The following CDON variants were observed in gnomAD, a reference collection of about 807,000 sequenced individuals.
The protein encoded by CDON is cell adhesion molecule-related/down-regulated by oncogenes.
In CDON, 73 loss-of-function variants were observed where a neutral mutation model predicts 120.9. The observed-to-expected ratio is 0.60, with a 90% confidence interval of 0.50 to 0.73. The LOEUF (loss-of-function observed/expected upper bound fraction) is 0.73, where lower values mean the gene tolerates loss of function less well. Among genes scored for constraint, CDON ranks in the 30% least tolerant of loss-of-function variants. The pLI, the probability that CDON is intolerant of heterozygous loss-of-function variation, is 0.00. For synonymous variants in CDON, 566 were observed against 573.5 expected (o/e 0.99, Z 0.19); for missense variants, 1,470 against 1,587.3 (o/e 0.93, Z 1.26).
At position 125,961,048 on chromosome 11, in the gene CDON, A is replaced by C. The variant is rs750904257; in HGVS notation, c.3689T>G (p.Ile1230Ser). ...EINIVSWNAL[I>S]LPPVPEGCAE... is the part of the protein sequence containing the mutation. ...ACAGCCCTCGGGGACAGGTGGCAAA[A>C]TAAGAGCATTCCAACTTACAATGTT... Residue 1230 changes from isoleucine (I) to serine (S), a missense_variant, in exon 20 of 20, where the codon ATT (isoleucine) becomes AGT (serine). Ile to Ser is a moderately radical substitution (Grantham distance 142). Coordinates refer to ENST00000531738, the MANE Select transcript of CDON (RefSeq NM_001378964.1). 6.2e-7 allele frequency: 1 copy of C among 1,614,082 alleles called. No homozygotes were observed. Among genetic ancestry groups the C allele is most frequent in the Non-Finnish European group, 8.5e-7 (1 of 1,179,916 alleles).
intron 12 of CDON, 126 bp downstream of exon 12, chr11:125,997,081 G>A: frequency 1.3e-6 from 1 of 772,184 alleles, no homozygotes; most frequent in Non-Finnish European, 2.2e-6. Context: ...GGAGGCTGAG[G>A]TAAGCCATGA....
chr11:125,995,630 T>C lies in CDON; in HGVS notation c.2363-578A>G, dbSNP rs12280422. ...ATTAGATATTAGGAACTTTAAAAAA[T>C]GTAGAGGACTGTGAATTTCTGAAAA... On this transcript the variant is annotated intron_variant, in intron 12 of 19. Coordinates refer to ENST00000531738, the MANE Select transcript of CDON (RefSeq NM_001378964.1). 6.7e-3 allele frequency among the ~76,000 whole-genome samples: 1,017 copies of C among 152,280 alleles called. 13 individuals are homozygous for C. Among genetic ancestry groups the C allele is most frequent in the African/African-American group, 0.022 (913 of 41,552 alleles).
chr11:125,981,408 A>ACACAAG, intron 16 of CDON, 79 bp from the exon 17 acceptor site: 1 of 1,444,596 alleles, frequency 6.9e-7, no homozygotes, highest in Non-Finnish European at 9.6e-7. Context: ...ACACGCATGC[A>ACACAAG]CACATGCACA....
chr11:126,031,426 A>G (rs1401253067), intron 1 of CDON, among the ~76,000 whole-genome samples: 1 of 152,250 alleles, frequency 6.6e-6, no homozygotes, highest in Non-Finnish European at 1.5e-5. Flanking sequence ...AAACACTCTA[A>G]AAAGTGATAT....
chr11:126,030,136 G>A (rs2134750721), intron 1 of CDON, among the ~76,000 whole-genome samples: 1 of 152,246 alleles, frequency 6.6e-6, no homozygotes, highest in East Asian at 1.9e-4. Context: ...TACTTTATAT[G>A]CCATGCCAAG....
chr11:125,995,082 AC>A, intron 12 of CDON, 30 bp from the exon 13 acceptor site: 4 of 1,577,842 alleles, frequency 2.5e-6, no homozygotes, highest in Non-Finnish European at 3.5e-6. Flanking sequence ...CAAACAAACA[AC>A]AACAACAAAA....
rs959642810 is a variant in CDON, at chr11:126,019,416, G to A, written c.496+203C>T. ...TATCTTTTCCAAGGAAGTGAAATCT[G>A]ATGGGGGTCTGAAGGAACTGAGGGA... On this transcript the variant is annotated intron_variant, in intron 4 of 19. Coordinates refer to ENST00000531738, the MANE Select transcript of CDON (RefSeq NM_001378964.1). 3.3e-5 allele frequency among the ~76,000 whole-genome samples: 5 copies of A among 152,194 alleles called. No individual in the cohort carries two copies. In the East Asian group the frequency reaches 7.7e-4, roughly 23 times the overall value.
At chr11:126,038,520 C>T (rs1270287417) in intron 1 of CDON, among the ~76,000 whole-genome samples, 7 of 151,886 alleles carry the variant, frequency 4.6e-5, no homozygotes, top group South Asian at 4.2e-4. Flanking sequence ...GGCATGGTGG[C>T]GGGCACCTGT....
At chr11:126,045,053 T>C (rs1187437891) in intron 1 of CDON, among the ~76,000 whole-genome samples, 1 of 151,732 alleles carries the variant, frequency 6.6e-6, no homozygotes, top group Non-Finnish European at 1.5e-5. Flanking sequence ...AGAGACGGAG[T>C]CTTGCTCCGT....
At chr11:126,040,688 G>A (rs1005390389) in intron 1 of CDON, among the ~76,000 whole-genome samples, 9 of 151,552 alleles carry the variant, frequency 5.9e-5, no homozygotes, top group African/African-American at 1.2e-4. Flanking sequence ...GGTGGCCGGC[G>A]CCTGTAGTCC....
Position 126,015,492 on chromosome 11 carries a change from T to G in CDON, c.947A>C (p.Lys316Thr), listed in dbSNP as rs1363663627. ...VNVLEHASISKGLQDQIVSLG... is the reference protein window; with the variant it reads ...VNVLEHASISTGLQDQIVSLG... ...AGACACTATCTGATCCTGTAGTCCT[T>G]TAGAAATGGAAGCATGTTCTGAAAA... The change falls in exon 7 of 20, where the codon AAA becomes ACA. Residue 316 changes from lysine (K) to threonine (T), a missense_variant. Transcript: ENST00000531738. 2 of 1,614,046 alleles carry G rather than the reference T, an allele frequency of 1.2e-6. No homozygotes were observed. Among genetic ancestry groups the G allele is most frequent in the Non-Finnish European group, 8.5e-7 (1 of 1,179,974 alleles).
At chr11:126,037,673 T>C (rs890215694) in intron 1 of CDON, among the ~76,000 whole-genome samples, 3 of 152,106 alleles carry the variant, frequency 2.0e-5, no homozygotes, top group African/African-American at 7.2e-5. Context: ...TATAAAAAAG[T>C]TTCAAAACAT....
intron 18 of CDON, 110 bp downstream of exon 18, chr11:125,978,194 G>A (rs1324662589): frequency 4.1e-6 from 3 of 739,912 alleles, no homozygotes; most frequent in Non-Finnish European, 7.3e-6. Flanking sequence ...TGCAAATCCT[G>A]AACTTTATAT....
At position 126,019,631 on chromosome 11, in the gene CDON, C is replaced by T. The variant is rs3740909; in HGVS notation, c.484G>A (p.Glu162Lys). ...CAAAAGGTCTCACCTGTGGAATGTTCCAGCCATTTTCCCCGGATTTTATAG... is the reference window on the plus strand; with the variant it reads ...CAAAAGGTCTCACCTGTGGAATGTTTCAGCCATTTTCCCCGGATTTTATAG... Reference protein sequence around the residue: ...VRYKIRGKWLEHSTENYLILP... With the variant: ...VRYKIRGKWLKHSTENYLILP... Residue 162 changes from glutamate (E) to lysine (K), a missense_variant, in exon 4 of 20, where the codon GAA becomes AAA. Transcript: ENST00000531738. 0.093 allele frequency: 150,190 copies of T among 1,613,658 alleles called. 7,351 individuals are homozygous for T. Among genetic ancestry groups the T allele is most frequent in the Admixed American group, 0.14 (8,224 of 59,974 alleles).
rs147583854 is a variant in CDON at position 125,992,473 on chromosome 11, C to T, written c.2650+1811G>A. Reference sequence around the variant, plus strand: ...CCCATATCTAAGTCAACAAAGAGAACACAGGAAAGCCCCCCACCTCAAACA... The same window carrying T: ...CCCATATCTAAGTCAACAAAGAGAATACAGGAAAGCCCCCCACCTCAAACA... On this transcript the variant is annotated intron_variant, in intron 14 of 19. Transcript: ENST00000531738. 1.5e-3 allele frequency among the ~76,000 whole-genome samples: 225 copies of T among 152,292 alleles called. 2 individuals carry two copies. Among genetic ancestry groups the T allele is most frequent in the South Asian group, 6.8e-3 (33 of 4,822 alleles).
intron 18 of CDON, among the ~76,000 whole-genome samples, chr11:125,975,254 C>T (rs4937083): frequency 0.37 from 56,695 of 152,064 alleles, 10,680 homozygotes; most frequent in Admixed American, 0.43. Flanking sequence ...TAAAACTCAA[C>T]GTGCTTCTTC....
intron 1 of CDON, among the ~76,000 whole-genome samples, chr11:126,028,429 T>C (rs548759195): frequency 2.6e-5 from 4 of 152,240 alleles, no homozygotes; most frequent in South Asian, 2.1e-4. Context: ...AGTGGCATGA[T>C]CTTGGCTCAC....
intron 17 of CDON, among the ~76,000 whole-genome samples, chr11:125,978,903 A>G (rs919650301): frequency 3.3e-5 from 5 of 152,314 alleles, no homozygotes; most frequent in South Asian, 2.1e-4. Context: ...AAAGCATGCT[A>G]TATTTTTCCA....
At chr11:126,016,941 C>T (rs1947485321) in intron 6 of CDON, 147 bp downstream of exon 6, 1 of 682,200 alleles carries the variant, frequency 1.5e-6, no homozygotes, top group Non-Finnish European at 2.4e-6. Flanking sequence ...TTCAGCAGTC[C>T]ATTATAAAAA....
Sources: gnomAD v4.1 joint callset for allele counts (sites outside exome capture counted in the v4.1 genomes callset) on GRCh38, gnomAD v4.1.1 for gene constraint, MANE v1.5 for transcripts, NCBI Gene and HGNC (gene_info 2026-07-23, HGNC 2026-07-21) for gene names.